The following SNAPIN variants were observed in gnomAD, a reference collection of about 807,000 sequenced individuals.
The protein encoded by SNAPIN is SNARE-associated protein Snapin.
Under a neutral mutation model 15.9 loss-of-function variants are expected in SNAPIN, and 16 were observed. The observed-to-expected ratio is 1.01, with a 90% CI of 0.68 to 1.53. The LOEUF is 1.53. Among genes scored for constraint, SNAPIN ranks in the 40% most tolerant of loss-of-function variants. SNAPIN has a pLI of 0.00. For synonymous variants in SNAPIN, 83 were observed against 76.2 expected (o/e 1.09, Z -0.46); for missense variants, 186 against 180.1 (o/e 1.03, Z -0.19).
At chr1:153,658,922 C>G in intron 1 of SNAPIN, 36 bp downstream of exon 1, 1 of 1,606,118 alleles carries the variant, frequency 6.2e-7, no homozygotes, top group Non-Finnish European at 8.5e-7. Flanking sequence ...GGGCCTGTCT[C>G]TCTGGCTTTG....
At chr1:153,660,077 C>T (rs1240665418) in intron 3 of SNAPIN, among the ~76,000 whole-genome samples, 2 of 152,116 alleles carry the variant, frequency 1.3e-5, no homozygotes, top group Non-Finnish European at 2.9e-5. Context: ...GGATGGAGTG[C>T]AGTGGCATGA....
chr1:153,660,356 AAGAC>A (rs1459902060), intron 3 of SNAPIN, among the ~76,000 whole-genome samples: 2 of 151,136 alleles, frequency 1.3e-5, no homozygotes, highest in Admixed American at 6.6e-5. Flanking sequence ...TTTAAATAAA[AAGAC>A]AGGATCGGCT....
intron 3 of SNAPIN, 114 bp from the exon 4 acceptor site, chr1:153,661,084 TAC>T (rs1292447940): frequency 1.3e-6 from 1 of 740,832 alleles, no homozygotes; most frequent in Non-Finnish European, 2.3e-6. Context: ...TTCTTATATA[TAC>T]TTTTGAAGAC....
Position 153,661,379 on chromosome 1 carries a change from G to C in SNAPIN, c.*78G>C, listed in dbSNP as rs898228090. On this transcript the variant is annotated 3_prime_UTR_variant, in exon 4 of 4. Coordinates refer to ENST00000368685, the MANE Select transcript of SNAPIN (RefSeq NM_012437.6). Reference sequence around the variant, plus strand: ...TTCAACAGACATGCAAAGATCCTAGGAGACAGTCCCCATAGACCTTCAGAC... The same window carrying C: ...TTCAACAGACATGCAAAGATCCTAGCAGACAGTCCCCATAGACCTTCAGAC... 9.1e-7 allele frequency: 1 copy of C among 1,098,230 alleles called. No individual in the cohort carries two copies. The highest frequency in any genetic ancestry group is 1.9e-5 in the Admixed American group (1 of 52,298). 68.0% of individuals were successfully genotyped at this position (1,098,230 alleles called of 1,614,324 possible). A position where few individuals can be genotyped will look rare whatever the true frequency, so the allele number is the denominator to read the frequency against.
In SNAPIN at chr1:153,661,443, G is replaced by A. The variant is rs554445556; in HGVS notation, c.*142G>A. 70 of 602,928 alleles carry A rather than the reference G, an allele frequency of 1.2e-4. No homozygotes were observed. Among genetic ancestry groups the A allele is most frequent in the African/African-American group, 2.8e-4 (15 of 53,994 alleles). 37.3% of individuals were successfully genotyped at this position (602,928 alleles called of 1,614,324 possible). A position where few individuals can be genotyped will look rare whatever the true frequency, so the allele number is the denominator to read the frequency against. On this transcript the variant is annotated 3_prime_UTR_variant, in exon 4 of 4. Coordinates refer to ENST00000368685, the MANE Select transcript of SNAPIN (RefSeq NM_012437.6). The stretch of plus-strand genomic sequence containing the variant: ...CCGTACAGTTTGTTTGAAGCACTTC[G>A]TCTTACCCATTTATGTAGGGGCCCC...
In SNAPIN at chr1:153,661,432, T is replaced by C. The variant is rs1394192096; in HGVS notation, c.*131T>C. The C allele has an allele frequency of 1.5e-6, 1 of 686,326 alleles. No homozygotes were observed. The highest frequency in any genetic ancestry group is 2.4e-6 in the Non-Finnish European group (1 of 417,082). The allele number at this position is 686,326 out of a possible 1,614,324, so 42.5% of individuals were successfully genotyped here. ...TAAAAAGGGAGCCGTACAGTTTGTT[T>C]GAAGCACTTCGTCTTACCCATTTAT... On this transcript the variant is annotated 3_prime_UTR_variant, in exon 4 of 4. Transcript: ENST00000368685.
In SNAPIN at chr1:153,661,356, C is replaced by G. The variant is rs1360941252; in HGVS notation, c.*55C>G. 1.5e-6 allele frequency: 2 copies of G among 1,338,304 alleles called. No homozygotes were observed. The highest frequency in any genetic ancestry group is 2.1e-6 in the Non-Finnish European group (2 of 935,910). The allele number at this position is 1,338,304 out of a possible 1,614,324, so 82.9% of individuals were successfully genotyped here. On this transcript the variant is annotated 3_prime_UTR_variant, in exon 4 of 4. Transcript: ENST00000368685. ...GTACTGTTCCCCAGCTGCCTTGTTTCAACAGACATGCAAAGATCCTAGGAG... is the reference window on the plus strand; with the variant it reads ...GTACTGTTCCCCAGCTGCCTTGTTTGAACAGACATGCAAAGATCCTAGGAG...
Position 153,658,785 on chromosome 1 carries a change from C to G in SNAPIN, c.42C>G (p.Thr14=). ...CCGCCGCTGTATCGGGGGCAGGGAC[C>G]CCGGTGGCGGGGCCCACAGGCCGCG... is the stretch of plus-strand genomic sequence containing the variant. ...AGSAAVSGAG[T]PVAGPTGRDL... Residue 14 remains threonine, a synonymous_variant, in exon 1 of 4, where the codon ACC becomes ACG. Coordinates refer to ENST00000368685, the MANE Select transcript of SNAPIN (RefSeq NM_012437.6). 6.3e-7 allele frequency: 1 copy of G among 1,584,260 alleles called. No individual in the cohort carries two copies. Among genetic ancestry groups the G allele is most frequent in the Non-Finnish European group, 8.5e-7 (1 of 1,171,224 alleles).
At position 153,658,901 on chromosome 1, in the gene SNAPIN, A is replaced by C; in HGVS notation, c.143+15A>C. 1 of 1,608,960 alleles carries C rather than the reference A, an allele frequency of 6.2e-7. No individual in the cohort carries two copies. ...CACGCCGTCAGGTGCCCGGGAGGGA[A>C]GTTGGGGGCGGGGCCTGTCTCTCTG... On this transcript the variant is annotated intron_variant, in intron 1 of 3. Coordinates refer to ENST00000368685, the MANE Select transcript of SNAPIN (RefSeq NM_012437.6).
Position 153,661,442 on chromosome 1 carries a change from C to A in SNAPIN, c.*141C>A. ...GCCGTACAGTTTGTTTGAAGCACTT[C>A]GTCTTACCCATTTATGTAGGGGCCC... is the stretch of plus-strand genomic sequence containing the variant. On this transcript the variant is annotated 3_prime_UTR_variant, in exon 4 of 4. Coordinates refer to ENST00000368685, the MANE Select transcript of SNAPIN (RefSeq NM_012437.6). 1.7e-6 allele frequency: 1 copy of A among 603,792 alleles called. No individual in the cohort carries two copies. Among genetic ancestry groups the A allele is most frequent in the Non-Finnish European group, 2.8e-6 (1 of 357,568 alleles). 37.4% of individuals were successfully genotyped at this position (603,792 alleles called of 1,614,324 possible). A position where few individuals can be genotyped will look rare whatever the true frequency, so the allele number is the denominator to read the frequency against.
In SNAPIN at chr1:153,661,473, A is replaced by C; in HGVS notation, c.*172A>C. On this transcript the variant is annotated 3_prime_UTR_variant, in exon 4 of 4. Transcript: ENST00000368685. ...ACCCATTTATGTAGGGGCCCCAGGA[A>C]ACCTACACACAGCCAGAATGAGGTT... The C allele has an allele frequency of 2.1e-6, 1 of 467,756 alleles. No homozygotes were observed. The highest frequency in any genetic ancestry group is 3.9e-6 in the Non-Finnish European group (1 of 255,016). 29.0% of individuals were successfully genotyped at this position (467,756 alleles called of 1,614,324 possible).
In SNAPIN at chr1:153,661,407, TAAA is replaced by T. The variant is rs2101709865; in HGVS notation, c.*109_*111del. On this transcript the variant is annotated 3_prime_UTR_variant, in exon 4 of 4. Transcript: ENST00000368685. The stretch of plus-strand genomic sequence containing the variant: ...ACAGTCCCCATAGACCTTCAGACAT[TAAA>T]AAGGGAGCCGTACAGTTTGTTTGAA... 1.1e-6 allele frequency: 1 copy of T among 873,302 alleles called. No homozygotes were observed. The highest frequency in any genetic ancestry group is 1.8e-6 in the Non-Finnish European group (1 of 554,940). The allele number at this position is 873,302 out of a possible 1,614,324, so 54.1% of individuals were successfully genotyped here. A position where few individuals can be genotyped will look rare whatever the true frequency, so the allele number is the denominator to read the frequency against.
chr1:153,659,667 A>G, intron 3 of SNAPIN, 101 bp downstream of exon 3: 1 of 826,110 alleles, frequency 1.2e-6, no homozygotes, highest in Admixed American at 2.0e-5. Context: ...GGAAAGGGAA[A>G]TTCACTTCTC....
intron 1 of SNAPIN, 52 bp downstream of exon 1, chr1:153,658,938 G>A: frequency 6.2e-7 from 1 of 1,601,356 alleles, no homozygotes; most frequent in East Asian, 2.2e-5. Flanking sequence ...CTTTGTAGGG[G>A]CGGGGCCAAG....
At position 153,661,363 on chromosome 1, in the gene SNAPIN, C is replaced by T; in HGVS notation, c.*62C>T. Reference sequence around the variant, plus strand: ...TCCCCAGCTGCCTTGTTTCAACAGACATGCAAAGATCCTAGGAGACAGTCC... The same window carrying T: ...TCCCCAGCTGCCTTGTTTCAACAGATATGCAAAGATCCTAGGAGACAGTCC... On this transcript the variant is annotated 3_prime_UTR_variant, in exon 4 of 4. Coordinates refer to ENST00000368685, the MANE Select transcript of SNAPIN (RefSeq NM_012437.6). The T allele has an allele frequency of 7.9e-7, 1 of 1,266,984 alleles. No homozygotes were observed. Among genetic ancestry groups the T allele is most frequent in the Non-Finnish European group, 1.1e-6 (1 of 873,392 alleles). The allele number at this position is 1,266,984 out of a possible 1,614,324, so 78.5% of individuals were successfully genotyped here.
At chr1:153,660,615 T>C (rs1400820417) in intron 3 of SNAPIN, among the ~76,000 whole-genome samples, 5 of 146,936 alleles carry the variant, frequency 3.4e-5, no homozygotes, top group African/African-American at 1.3e-4. Flanking sequence ...ACCATTGCAC[T>C]TCAGCCTGGG....
At chr1:153,659,882 G>A (rs1669104820) in intron 3 of SNAPIN, among the ~76,000 whole-genome samples, 1 of 152,076 alleles carries the variant, frequency 6.6e-6, no homozygotes, top group Non-Finnish European at 1.5e-5. Context: ...GACTACAAGC[G>A]TGCACAACGC....
At chr1:153,660,063 C>T (rs901465652) in intron 3 of SNAPIN, among the ~76,000 whole-genome samples, 4 of 152,124 alleles carry the variant, frequency 2.6e-5, no homozygotes, top group Non-Finnish European at 4.4e-5. Context: ...AGGTCTATCA[C>T]CCAGGATGGA....
intron 3 of SNAPIN, among the ~76,000 whole-genome samples, chr1:153,660,673 A>T (rs1199846802): frequency 6.7e-6 from 1 of 149,944 alleles, no homozygotes; most frequent in Non-Finnish European, 1.5e-5. Flanking sequence ...AAAAAAAAAA[A>T]GACAGGCTAT....
Sources: allele counts gnomAD v4.1 joint callset (sites outside exome capture counted in the v4.1 genomes callset), GRCh38; gene constraint gnomAD v4.1.1; transcripts MANE v1.5; gene names NCBI Gene and HGNC (gene_info 2026-07-23, HGNC 2026-07-21).